The following RBFOX3 variants were observed in gnomAD, a reference collection of about 807,000 sequenced individuals.
RBFOX3 encodes RNA binding fox-1 homolog 3.
RBFOX3 carries 17 observed loss-of-function variants against 48.7 expected under a neutral mutation model. The observed-to-expected ratio is 0.35, with a 90% confidence interval of 0.24 to 0.52. The LOEUF is 0.52. Ranked by LOEUF, RBFOX3 falls within the 20% of genes least tolerant of loss-of-function variation. The pLI, the probability that RBFOX3 is intolerant of heterozygous loss-of-function variation, is 0.94. For synonymous variants in RBFOX3, 212 were observed against 209.5 expected (o/e 1.01, Z -0.10); for missense variants, 382 against 497.5 (o/e 0.77, Z 2.21).
chr17:79,487,512 G>A (rs902043129), intron 1 of RBFOX3, among the ~76,000 whole-genome samples: 11 of 152,172 alleles, frequency 7.2e-5, no homozygotes, highest in African/African-American at 1.7e-4. Flanking sequence ...TCAGCCCCCC[G>A]TCAGTGTTTG....
intron 4 of RBFOX3, among the ~76,000 whole-genome samples, chr17:79,163,231 C>T (rs2047322621): frequency 6.6e-6 from 1 of 152,240 alleles, no homozygotes; most frequent in Non-Finnish European, 1.5e-5. Flanking sequence ...CCGGGCAGCA[C>T]ACTCGGCTGA....
chr17:79,112,226 C>T (rs1275158245), intron 5 of RBFOX3, among the ~76,000 whole-genome samples: 3 of 152,214 alleles, frequency 2.0e-5, no homozygotes, highest in Admixed American at 1.3e-4. Flanking sequence ...GCACGCTCCG[C>T]CTTCTGTGGG....
At chr17:79,623,309 C>T in the RBFOX3 span, among the ~76,000 whole-genome samples, 8 of 152,312 alleles carry the variant, frequency 5.3e-5, no homozygotes, top group South Asian at 2.1e-4. Flanking sequence ...ACAGCCTGGG[C>T]GCTGAGTTTG....
chr17:79,350,109 C>T (rs940826574), intron 2 of RBFOX3, among the ~76,000 whole-genome samples: 1 of 152,212 alleles, frequency 6.6e-6, no homozygotes, highest in African/African-American at 2.4e-5. Flanking sequence ...AATGGTGGCT[C>T]AGGCATGGGG....
chr17:79,550,772 C>CGTGG (rs1193494733), intron 1 of RBFOX3, among the ~76,000 whole-genome samples: 1 of 151,836 alleles, frequency 6.6e-6, no homozygotes. Context: ...TGGATGAATG[C>CGTGG]GTGGGTGGGT....
At chr17:79,283,470 T>C (rs568103687) in intron 3 of RBFOX3, among the ~76,000 whole-genome samples, 172 of 152,324 alleles carry the variant, frequency 1.1e-3, no homozygotes, top group African/African-American at 4.1e-3. Context: ...GGTTTCACCA[T>C]GTTGGCCAGG....
chr17:79,239,538 A>G (rs1161796775), intron 3 of RBFOX3, among the ~76,000 whole-genome samples: 1 of 151,956 alleles, frequency 6.6e-6, no homozygotes, highest in African/African-American at 2.4e-5. Flanking sequence ...TTGTCTCCAC[A>G]CTCCCAGAGT....
chr17:79,132,505 G>A (rs572335667), intron 4 of RBFOX3, among the ~76,000 whole-genome samples: 2 of 152,306 alleles, frequency 1.3e-5, no homozygotes, highest in African/African-American at 2.4e-5. Context: ...GGCTCCCCTC[G>A]GAGCCAACAG....
At chr17:79,293,391 T>C (rs2073724439) in intron 3 of RBFOX3, among the ~76,000 whole-genome samples, 1 of 106,996 alleles carries the variant, frequency 9.3e-6, no homozygotes, top group Non-Finnish European at 1.9e-5. Flanking sequence ...CCCTTTCCTT[T>C]CCCTTCCCTC....
chr17:79,184,356 A>T (rs2146254896), intron 4 of RBFOX3, among the ~76,000 whole-genome samples: 1 of 152,246 alleles, frequency 6.6e-6, no homozygotes, highest in South Asian at 2.1e-4. Context: ...GACACACTGG[A>T]CTTGACGTGT....
At chr17:79,146,339 C>G (rs1031000319) in intron 4 of RBFOX3, among the ~76,000 whole-genome samples, 3 of 152,218 alleles carry the variant, frequency 2.0e-5, no homozygotes, top group African/African-American at 7.2e-5. Context: ...GTGCCCTGGG[C>G]CAAATGACAG....
intron 1 of RBFOX3, among the ~76,000 whole-genome samples, chr17:79,520,176 C>T (rs1432173114): frequency 6.6e-6 from 1 of 152,234 alleles, no homozygotes; most frequent in Non-Finnish European, 1.5e-5. Context: ...CCGCCTCCTC[C>T]CCTGTGGAGT....
intron 1 of RBFOX3, among the ~76,000 whole-genome samples, chr17:79,558,692 G>C (rs1364443563): frequency 5.3e-5 from 8 of 152,162 alleles, no homozygotes; most frequent in African/African-American, 1.7e-4. Flanking sequence ...CCTGCCTTGC[G>C]GGGATTGGGT....
intron 4 of RBFOX3, among the ~76,000 whole-genome samples, chr17:79,153,788 C>T (rs958731264): frequency 6.6e-6 from 1 of 152,164 alleles, no homozygotes; most frequent in Non-Finnish European, 1.5e-5. Flanking sequence ...GCTTTCTACC[C>T]GGCTGGGACC....
intron 2 of RBFOX3, among the ~76,000 whole-genome samples, chr17:79,389,526 G>A (rs1047723037): frequency 1.3e-5 from 2 of 152,204 alleles, no homozygotes; most frequent in Admixed American, 6.5e-5. Flanking sequence ...ACCTGCTTTA[G>A]TTCCTTTGGA....
At position 79,111,295 on chromosome 17, in the gene RBFOX3, C is replaced by T. The variant is rs781065420; in HGVS notation, c.222+4199G>A. On this transcript the variant is annotated intron_variant, in intron 5 of 14. Coordinates refer to ENST00000693108, the MANE Select transcript of RBFOX3 (RefSeq NM_001350451.2). The surrounding 1 kb of genome is among the most constrained non-coding windows in gnomAD (Gnocchi z 4.2). Reference sequence around the variant, plus strand: ...TGGCCCCTCAGACATCAGGCCCTTGCGGCCCACGTGGGGTCCCTTCTGGCA... The same window carrying T: ...TGGCCCCTCAGACATCAGGCCCTTGTGGCCCACGTGGGGTCCCTTCTGGCA... 6.6e-6 allele frequency among the ~76,000 whole-genome samples: 1 copy of T among 152,124 alleles called. No homozygotes were observed. The highest frequency in any genetic ancestry group is 1.5e-5 in the Non-Finnish European group (1 of 68,026).
At chr17:79,632,582 C>G in the RBFOX3 span, among the ~76,000 whole-genome samples, 1 of 152,052 alleles carries the variant, frequency 6.6e-6, no homozygotes, top group Non-Finnish European at 1.5e-5. Flanking sequence ...AGCCAGTGCT[C>G]TTCCCTGGCA....
intron 4 of RBFOX3, among the ~76,000 whole-genome samples, chr17:79,142,831 C>A (rs572891460): frequency 6.6e-6 from 1 of 152,296 alleles, no homozygotes; most frequent in South Asian, 2.1e-4. Context: ...AGAGACTTTT[C>A]TACCAAGAGC....
intron 2 of RBFOX3, among the ~76,000 whole-genome samples, chr17:79,375,718 C>T (rs1040930422): frequency 6.6e-6 from 1 of 152,160 alleles, no homozygotes; most frequent in African/African-American, 2.4e-5. Context: ...ATACCCAATT[C>T]AACCTCACTG....
Sources: gnomAD v4.1 joint callset for allele counts (sites outside exome capture counted in the v4.1 genomes callset) on GRCh38, gnomAD v4.1.1 for gene constraint, Gnocchi (gnomAD v3.1) non-coding constraint, MANE v1.5 for transcripts, NCBI Gene and HGNC (gene_info 2026-07-23, HGNC 2026-07-21) for gene names.